Variants in CHD9 observed in about 807,000 individuals in gnomAD.
CHD9 encodes the protein chromodomain helicase DNA binding protein 9, also known as ATP-dependent chromatin remodeler CHD9.
In CHD9, 77 loss-of-function variants were observed where a neutral mutation model predicts 316.1. The observed-to-expected ratio is 0.24, with a 90% CI of 0.20 to 0.29. CHD9 has a LOEUF of 0.29. Ranked by LOEUF, CHD9 falls within the 10% of genes least tolerant of loss-of-function variation. The pLI, the probability that CHD9 is intolerant of heterozygous loss-of-function variation, is 1.00. For synonymous variants in CHD9, 1,129 were observed against 1,158.3 expected, an observed-to-expected ratio of 0.97 and a Z score of 0.51; for missense variants, 2,763 against 3,438.1, an observed-to-expected ratio of 0.80 and a Z score of 4.91.
intron 17 of CHD9, among the ~76,000 whole-genome samples, chr16:53,253,346 G>GA (rs1171730310): frequency 1.3e-5 from 2 of 152,128 alleles, no homozygotes; most frequent in African/African-American, 4.8e-5. Flanking sequence ...CTCAGGAATG[G>GA]AAAACCAAAC....
At chr16:53,083,863 A>T (rs563798268) in intron 1 of CHD9, among the ~76,000 whole-genome samples, 99 of 151,612 alleles carry the variant, frequency 6.5e-4, no homozygotes, top group Non-Finnish European at 1.3e-3. Flanking sequence ...CGATCCTCCC[A>T]CCTCAGCTTG....
At chr16:53,130,021 G>A (rs1028621422) in intron 1 of CHD9, among the ~76,000 whole-genome samples, 2 of 152,094 alleles carry the variant, frequency 1.3e-5, no homozygotes, top group African/African-American at 4.8e-5. Flanking sequence ...CTCCCCCACG[G>A]CTGTCTCTCT....
At chr16:53,250,493 A>G (rs2050038019) in intron 17 of CHD9, 1 of 153,550 alleles carries the variant, frequency 6.5e-6, no homozygotes, top group African/African-American at 2.4e-5. Flanking sequence ...AAAGAATATT[A>G]TGTAAACTTG....
At chr16:53,182,937 A>C (rs1190118601) in intron 2 of CHD9, among the ~76,000 whole-genome samples, 2 of 152,176 alleles carry the variant, frequency 1.3e-5, no homozygotes, top group African/African-American at 4.8e-5. Context: ...GAATATACGA[A>C]TGCATATGAA....
intron 11 of CHD9, among the ~76,000 whole-genome samples, chr16:53,237,528 C>T (rs2048735043): frequency 6.6e-6 from 1 of 152,084 alleles, no homozygotes; most frequent in South Asian, 2.1e-4. Context: ...TCCTTTTACC[C>T]TCCCCTCCAA....
intron 1 of CHD9, among the ~76,000 whole-genome samples, chr16:53,124,345 C>A (rs2038876221): frequency 6.6e-6 from 1 of 152,008 alleles, no homozygotes; most frequent in Non-Finnish European, 1.5e-5. Flanking sequence ...TTGGGGAGGC[C>A]TCACAATCAT....
chr16:53,136,093 A>G (rs2039691522), intron 1 of CHD9, among the ~76,000 whole-genome samples: 1 of 152,256 alleles, frequency 6.6e-6, no homozygotes, highest in South Asian at 2.1e-4. Context: ...AGTAGAAGTT[A>G]TAGTTCAGTC....
At chr16:53,214,607 T>G (rs1424660499) in intron 3 of CHD9, among the ~76,000 whole-genome samples, 3 of 152,174 alleles carry the variant, frequency 2.0e-5, no homozygotes, top group African/African-American at 2.4e-5. Context: ...CAAAACTTAG[T>G]AAAAATCTGA....
At chr16:53,072,573 G>A (rs1029770641) in intron 1 of CHD9, among the ~76,000 whole-genome samples, 2 of 151,570 alleles carry the variant, frequency 1.3e-5, no homozygotes, top group Admixed American at 6.6e-5. Flanking sequence ...TAGAGACAGG[G>A]TCTCAATATG....
At chr16:53,269,821 C>G (rs1354344140) in intron 22 of CHD9, among the ~76,000 whole-genome samples, 5 of 152,086 alleles carry the variant, frequency 3.3e-5, no homozygotes, top group Non-Finnish European at 7.4e-5. Context: ...CAGACTATCA[C>G]AACCTTCAGC....
chr16:53,149,721 A>AT (rs971899142), intron 1 of CHD9, among the ~76,000 whole-genome samples: 1 of 128,290 alleles, frequency 7.8e-6, no homozygotes, highest in African/African-American at 2.7e-5. Context: ...CTAATTTAAA[A>AT]ATATATATAT....
intron 1 of CHD9, among the ~76,000 whole-genome samples, chr16:53,083,995 C>G (rs976431671): frequency 7.2e-5 from 11 of 151,990 alleles, no homozygotes; most frequent in African/African-American, 2.7e-4. Flanking sequence ...AATGATCCTC[C>G]CGCCTCAGCC....
intron 1 of CHD9, among the ~76,000 whole-genome samples, chr16:53,070,081 G>T (rs890639825): frequency 2.6e-5 from 4 of 152,042 alleles, no homozygotes; most frequent in Non-Finnish European, 5.9e-5. Context: ...CAAGGTATTT[G>T]CTGATTTTTA....
chr16:53,321,347 A>G, intron 37 of CHD9, 179 bp from the exon 38 acceptor site: 2 of 1,383,896 alleles, frequency 1.4e-6, no homozygotes, highest in Middle Eastern at 2.1e-4. Context: ...ATATTTATAT[A>G]TTACATCAGT....
Position 53,180,302 on chromosome 16 carries a change from C to T in CHD9, c.1452+22761C>T, listed in dbSNP as rs561502248. Among the ~76,000 whole-genome samples, 94 of 152,202 alleles carry T rather than the reference C, an allele frequency of 6.2e-4. 1 individual carries two copies. The highest frequency in any genetic ancestry group is 1.8e-3 in the African/African-American group (74 of 41,546). On this transcript the variant is annotated intron_variant, in intron 2 of 38. Transcript: ENST00000447540. ...GATTACAGACATGAGCCACCGCCCC[C>T]GGCCTTACCTTTGTTTTAATGTGCT... is the stretch of plus-strand genomic sequence containing the variant.
intron 1 of CHD9, among the ~76,000 whole-genome samples, chr16:53,069,223 C>G (rs2033792037): frequency 6.6e-6 from 1 of 152,160 alleles, no homozygotes; most frequent in African/African-American, 2.4e-5. Flanking sequence ...AGGCTGGTCT[C>G]AAACTCCTAA....
chr16:53,282,275 T>A (rs1193803797), intron 24 of CHD9, among the ~76,000 whole-genome samples: 1 of 152,126 alleles, frequency 6.6e-6, no homozygotes, highest in African/African-American at 2.4e-5. Context: ...CAAACTACCA[T>A]ATTATTACTC....
At position 53,122,517 on chromosome 16, in the gene CHD9, A is replaced by G. The variant is rs187902479; in HGVS notation, c.-164-33409A>G. 3.0e-3 allele frequency among the ~76,000 whole-genome samples: 461 copies of G among 151,846 alleles called. 3 individuals carry two copies. The highest frequency in any genetic ancestry group is 5.0e-3 in the Non-Finnish European group (343 of 67,992). On this transcript the variant is annotated intron_variant, in intron 1 of 38. Transcript: ENST00000447540. ...ATTTAATGCGTACAATACTGTAACA[A>G]AGTTGGAAATTGCTGGCTGGGAATC... is the stretch of plus-strand genomic sequence containing the variant.
chr16:53,186,662 C>T (rs933899046), intron 2 of CHD9, among the ~76,000 whole-genome samples: 2 of 152,132 alleles, frequency 1.3e-5, no homozygotes, highest in South Asian at 2.1e-4. Flanking sequence ...TTGTAGTTCC[C>T]GTAATCCTTA....
Sources: gnomAD v4.1 joint callset for allele counts (sites outside exome capture counted in the v4.1 genomes callset) on GRCh38, gnomAD v4.1.1 for gene constraint, MANE v1.5 for transcripts, NCBI Gene and HGNC (gene_info 2026-07-23, HGNC 2026-07-21) for gene names.